The following DCDC2 variants were observed in gnomAD, a reference collection of about 807,000 sequenced individuals.
The protein encoded by DCDC2 is doublecortin domain-containing protein 2.
Under a neutral mutation model 50.2 loss-of-function variants are expected in DCDC2, and 40 were observed. The ratio of observed to expected loss-of-function variants is 0.80; its 90% CI spans 0.62 to 1.04. The LOEUF is 1.04. Ranked by LOEUF, DCDC2 falls within the 50% of genes least tolerant of loss-of-function variation. The probability of loss-of-function intolerance (pLI) is 0.00; values close to 1 mark genes in which losing one functional copy is unlikely to be tolerated. For synonymous variants in DCDC2, 234 were observed against 210.6 expected (o/e 1.11, Z -0.96); for missense variants, 570 against 581.9 (o/e 0.98, Z 0.21).
intron 2 of DCDC2, among the ~76,000 whole-genome samples, chr6:24,326,251 C>T (rs1007154122): frequency 6.7e-6 from 1 of 148,238 alleles, no homozygotes; most frequent in African/African-American, 2.4e-5. Context: ...GGAAATCAGA[C>T]CTTTTCATTT....
At chr6:24,221,432 T>G (rs1403073166) in intron 7 of DCDC2, among the ~76,000 whole-genome samples, 1 of 152,190 alleles carries the variant, frequency 6.6e-6, no homozygotes. Context: ...AGACACAACG[T>G]GATGGCCACC....
At chr6:24,186,549 G>A (rs1761208720) in intron 8 of DCDC2, among the ~76,000 whole-genome samples, 1 of 152,152 alleles carries the variant, frequency 6.6e-6, no homozygotes, top group African/African-American at 2.4e-5. Flanking sequence ...CTGAAAAACT[G>A]GTCGCCATGG....
At chr6:24,358,967 A>T (rs190470952), upstream of DCDC2, among the ~76,000 whole-genome samples, 52 of 69,350 alleles carry the variant, frequency 7.5e-4, no homozygotes, top group African/African-American at 2.4e-3. Context: ...ATTATATATT[A>T]TATATTTTAT....
intron 8 of DCDC2, among the ~76,000 whole-genome samples, chr6:24,202,768 A>G (rs1179630052): frequency 6.6e-6 from 1 of 152,240 alleles, no homozygotes; most frequent in Non-Finnish European, 1.5e-5. Context: ...CCTTAAGCTG[A>G]TAAGTAACTT....
In DCDC2 at chr6:24,326,541, C is replaced by T. The variant is rs935904875; in HGVS notation, c.349-24497G>A. On this transcript the variant is annotated intron_variant, in intron 2 of 9. Transcript: ENST00000378454. Reference sequence around the variant, plus strand: ...ACATTTATCTAGCAGAAGAAAAAAACACCATCATTTGTATCAATAAAAAGC... The same window carrying T: ...ACATTTATCTAGCAGAAGAAAAAAATACCATCATTTGTATCAATAAAAAGC... Among the ~76,000 whole-genome samples the T allele has an allele frequency of 2.7e-5, 4 of 149,132 alleles. No homozygotes were observed. The Middle Eastern group carries it at 0.01, about 386-fold the overall frequency.
intron 8 of DCDC2, among the ~76,000 whole-genome samples, chr6:24,182,643 A>AAAAAAAAAC (rs1761101521): frequency 1.3e-5 from 2 of 150,726 alleles, no homozygotes; most frequent in Admixed American, 6.6e-5. Flanking sequence ...AAAAAAAAAA[A>AAAAAAAAAC]ACAGAAGAAA....
intron 7 of DCDC2, among the ~76,000 whole-genome samples, chr6:24,212,298 C>A (rs1348011617): frequency 1.3e-5 from 2 of 152,118 alleles, no homozygotes; most frequent in Non-Finnish European, 2.9e-5. Flanking sequence ...CAGTGGCCAC[C>A]ACAGATCCAC....
At chr6:24,235,478 C>A (rs1561901097) in intron 7 of DCDC2, among the ~76,000 whole-genome samples, 1 of 152,182 alleles carries the variant, frequency 6.6e-6, no homozygotes, top group Non-Finnish European at 1.5e-5. Flanking sequence ...TCCTGGGATG[C>A]AAGTTTGATT....
chr6:24,376,039 A>G, the DCDC2 span, among the ~76,000 whole-genome samples: 2,024 of 152,218 alleles, frequency 0.013, 24 homozygotes, highest in Non-Finnish European at 0.023. Flanking sequence ...AAAAAAAAAA[A>G]CAAAAAACAA....
Position 24,205,046 on chromosome 6 carries a change from C to T in DCDC2, c.979G>A (p.Val327Ile), listed in dbSNP as rs1357003478. The change falls in exon 8 of 10, where the codon GTC becomes ATC. Residue 327 changes from valine (V) to isoleucine (I), a missense_variant. Physicochemically the swap from Val to Ile is conservative, Grantham distance 29. Coordinates refer to ENST00000378454, the MANE Select transcript of DCDC2 (RefSeq NM_016356.5). ...ERSETRGAAEVQEDEDTQVEV... is the reference protein window; with the variant it reads ...ERSETRGAAEIQEDEDTQVEV... ...ACCTGAGTATCTTCATCTTCTTGGA[C>T]TTCTGCTGCCCCCCGTGTTTCAGAC... 1.2e-6 allele frequency: 2 copies of T among 1,614,104 alleles called. No homozygotes were observed. Among genetic ancestry groups the T allele is most frequent in the Non-Finnish European group, 1.7e-6 (2 of 1,179,996 alleles).
chr6:24,201,477 A>G (rs1761586229), intron 8 of DCDC2, among the ~76,000 whole-genome samples: 1 of 152,234 alleles, frequency 6.6e-6, no homozygotes, highest in Admixed American at 6.5e-5. Flanking sequence ...ACAATGTACC[A>G]GAATCTCTGA....
intron 8 of DCDC2, among the ~76,000 whole-genome samples, chr6:24,187,293 G>A (rs1761225629): frequency 1.3e-5 from 2 of 152,156 alleles, no homozygotes; most frequent in African/African-American, 4.8e-5. Context: ...GTCCTCTGTG[G>A]AAGAAACTGA....
chr6:24,177,907 T>C (rs1403718214), intron 9 of DCDC2, among the ~76,000 whole-genome samples: 2 of 152,250 alleles, frequency 1.3e-5, no homozygotes, highest in African/African-American at 2.4e-5. Context: ...TCACTCATAA[T>C]AGAGAAAGTA....
At chr6:24,223,397 T>C (rs1762159363) in intron 7 of DCDC2, among the ~76,000 whole-genome samples, 1 of 152,176 alleles carries the variant, frequency 6.6e-6, no homozygotes. Context: ...TGAAGAGCGC[T>C]TTGTGGTTCC....
chr6:24,310,721 G>A (rs1268380180), intron 2 of DCDC2, among the ~76,000 whole-genome samples: 4 of 152,128 alleles, frequency 2.6e-5, no homozygotes, highest in Non-Finnish European at 5.9e-5. Context: ...ATTTGTAAAA[G>A]TCTGTCTATA....
chr6:24,236,564 G>A (rs1483824730), intron 7 of DCDC2, among the ~76,000 whole-genome samples: 1 of 152,090 alleles, frequency 6.6e-6, no homozygotes, highest in Non-Finnish European at 1.5e-5. Context: ...TTAAACTAAA[G>A]AGCTTCTGCA....
chr6:24,250,163 C>T (rs1362078715), intron 7 of DCDC2, among the ~76,000 whole-genome samples: 1 of 152,172 alleles, frequency 6.6e-6, no homozygotes, highest in Non-Finnish European at 1.5e-5. Flanking sequence ...CAGAGGTAGG[C>T]AGTGAGTGGT....
intron 8 of DCDC2, among the ~76,000 whole-genome samples, chr6:24,188,716 T>C (rs1337857284): frequency 6.6e-6 from 1 of 152,108 alleles, no homozygotes; most frequent in African/African-American, 2.4e-5. Flanking sequence ...TGCCTATGAG[T>C]AATTGTGGAA....
chr6:24,283,223 A>G (rs1763516218), intron 6 of DCDC2, among the ~76,000 whole-genome samples: 1 of 152,188 alleles, frequency 6.6e-6, no homozygotes, highest in Non-Finnish European at 1.5e-5. Context: ...AATTTAAGAT[A>G]ATTTATTTAC....
Sources: allele counts gnomAD v4.1 joint callset (sites outside exome capture counted in the v4.1 genomes callset), GRCh38; gene constraint gnomAD v4.1.1; transcripts MANE v1.5; gene names NCBI Gene and HGNC (gene_info 2026-07-23, HGNC 2026-07-21).